The following GRM4 variants were observed in gnomAD, a reference collection of about 807,000 sequenced individuals.
The protein encoded by GRM4 is metabotropic glutamate receptor 4.
A neutral mutation model predicts 81.7 loss-of-function variants in GRM4; 28 were observed. The observed-to-expected ratio is 0.34, with a 90% CI of 0.25 to 0.47. The LOEUF (loss-of-function observed/expected upper bound fraction) is 0.47. Among genes scored for constraint, GRM4 ranks in the 20% least tolerant of loss-of-function variants. GRM4 has a pLI of 1.00. For synonymous variants in GRM4, 488 were observed against 528.8 expected (o/e 0.92, Z 1.06); for missense variants, 948 against 1,290.0 (o/e 0.73, Z 4.06).
chr6:34,075,264 C>T (rs1262665610), intron 3 of GRM4, among the ~76,000 whole-genome samples: 1 of 152,188 alleles, frequency 6.6e-6, no homozygotes, highest in Non-Finnish European at 1.5e-5. Flanking sequence ...TCCCACCTTC[C>T]CCAACTCCAG....
chr6:34,040,096 CA>C, intron 8 of GRM4, 81 bp downstream of exon 8: 1 of 1,386,600 alleles, frequency 7.2e-7, no homozygotes, highest in South Asian at 1.2e-5. Context: ...GGCTAATCAG[CA>C]GCAGCCTCCC....
intron 2 of GRM4, among the ~76,000 whole-genome samples, chr6:34,127,718 G>T (rs1770074647): frequency 6.6e-6 from 1 of 152,150 alleles, no homozygotes; most frequent in Admixed American, 6.5e-5. Flanking sequence ...CCCAGGACAA[G>T]TTCTGAAAGT....
At chr6:34,150,177 A>G (rs1771017606), upstream of GRM4, among the ~76,000 whole-genome samples, 3 of 151,618 alleles carry the variant, frequency 2.0e-5, no homozygotes. Flanking sequence ...CCTGTACCCC[A>G]CCTGCCCTGG....
intron 3 of GRM4, among the ~76,000 whole-genome samples, chr6:34,084,181 C>T (rs1767758661): frequency 6.6e-6 from 1 of 152,198 alleles, no homozygotes. Flanking sequence ...ACCTCAGAGG[C>T]GGGCTGCTGT....
At chr6:34,141,562 G>A (rs1182932868) in intron 1 of GRM4, among the ~76,000 whole-genome samples, 1 of 152,122 alleles carries the variant, frequency 6.6e-6, no homozygotes, top group African/African-American at 2.4e-5. Context: ...AAAACATTTT[G>A]ACAGGAGTCA....
In GRM4 at chr6:34,059,209, C is replaced by T. The variant is rs1369334069; in HGVS notation, c.873-81G>A. ...ACTCCTGGCCACACTTGCTTTGGGC[C>T]CACGTCCCTCACCCCCAGAAGCCCA... On this transcript the variant is annotated intron_variant, in intron 4 of 10. Coordinates refer to ENST00000538487, the MANE Select transcript of GRM4 (RefSeq NM_000841.4). The surrounding 1 kb of genome is among the most constrained non-coding windows in gnomAD (Gnocchi z 5.7). The T allele has an allele frequency of 7.7e-7, 1 of 1,302,086 alleles. No individual in the cohort carries two copies. Among genetic ancestry groups the T allele is most frequent in the African/African-American group, 1.4e-5 (1 of 69,232 alleles). 80.7% of individuals were successfully genotyped at this position (1,302,086 alleles called of 1,614,324 possible). A position where few individuals can be genotyped will look rare whatever the true frequency, so the allele number is the denominator to read the frequency against.
At chr6:34,110,917 G>T (rs1349758831) in intron 2 of GRM4, 2 of 1,146,860 alleles carry the variant, frequency 1.7e-6, no homozygotes, top group Admixed American at 4.1e-5. Flanking sequence ...TGGACAGTAA[G>T]AGCCCACAAG....
In GRM4 at chr6:34,035,138, G is replaced by A. The variant is rs1036333133; in HGVS notation, c.2442+530C>T. ...GAGGAGTGAACCAAAAGGAAGACAG[G>A]GTTGAGTAGGGAGAGAGGTAAGAGA... On this transcript the variant is annotated intron_variant, in intron 9 of 10. Coordinates refer to ENST00000538487, the MANE Select transcript of GRM4 (RefSeq NM_000841.4). This position sits in a 1 kb window ranked among gnomAD's most constrained non-coding sequence, Gnocchi z 6.6. Among the ~76,000 whole-genome samples, 2 of 152,172 alleles carry A rather than the reference G, an allele frequency of 1.3e-5. No individual in the cohort carries two copies. The highest frequency in any genetic ancestry group is 2.9e-5 in the Non-Finnish European group (2 of 68,016).
intron 3 of GRM4, among the ~76,000 whole-genome samples, chr6:34,065,872 C>T (rs529362457): frequency 6.6e-6 from 1 of 152,348 alleles, no homozygotes; most frequent in African/African-American, 2.4e-5. Flanking sequence ...GAGCCACCTT[C>T]AGACGAGGCT....
Position 34,036,425 on chromosome 6 carries a change from T to A in GRM4, c.1685A>T (p.Tyr562Phe). The A allele has an allele frequency of 6.2e-7, 1 of 1,613,294 alleles. No homozygotes were observed. Among genetic ancestry groups the A allele is most frequent in the Non-Finnish European group, 8.5e-7 (1 of 1,179,570 alleles). ...VDRYTCKTCP[Y>F]DMRPTENRTG... Reference sequence around the variant, plus strand: ...GCGGTTCTCTGTGGGCCGCATGTCATAGGGACACGTCTTACAGGTGTAGCG... The same window carrying A: ...GCGGTTCTCTGTGGGCCGCATGTCAAAGGGACACGTCTTACAGGTGTAGCG... Residue 562 changes from tyrosine (Y) to phenylalanine (F), a missense_variant, in exon 9 of 11, where the codon TAT becomes TTT. Transcript: ENST00000538487. This position sits in a 1 kb window ranked among gnomAD's most constrained non-coding sequence, Gnocchi z 9.0.
Position 34,068,833 on chromosome 6 carries a change from G to C in GRM4, c.737-6805C>G, listed in dbSNP as rs2451364. ...CTCCTCCAGACCCCTGAGCCAGCTCGCTCTGGTGGTCTCCAGGCCCGGCCT... is the reference window on the plus strand; with the variant it reads ...CTCCTCCAGACCCCTGAGCCAGCTCCCTCTGGTGGTCTCCAGGCCCGGCCT... On this transcript the variant is annotated intron_variant, in intron 3 of 10. Coordinates refer to ENST00000538487, the MANE Select transcript of GRM4 (RefSeq NM_000841.4). This position sits in a 1 kb window ranked among gnomAD's most constrained non-coding sequence, Gnocchi z 4.2. 0.96 allele frequency among the ~76,000 whole-genome samples: 146,496 copies of C among 152,240 alleles called. 70,535 individuals carry two copies. The highest frequency in any genetic ancestry group is 1 in the East Asian group (5,159 of 5,170).
chr6:34,044,901 CACAG>C (rs1765286139), intron 6 of GRM4, among the ~76,000 whole-genome samples: 2 of 148,096 alleles, frequency 1.4e-5, no homozygotes, highest in African/African-American at 2.6e-5. Context: ...CACATACACA[CACAG>C]ACATACATAC....
chr6:34,026,516 G>T (rs1025840863), intron 10 of GRM4, among the ~76,000 whole-genome samples: 1 of 152,152 alleles, frequency 6.6e-6, no homozygotes, highest in South Asian at 2.1e-4. Flanking sequence ...GCAGCTGGAA[G>T]TGAGGCCCAT....
Position 34,059,553 on chromosome 6 carries a change from TCCA to T in GRM4, c.873-428_873-426del, listed in dbSNP as rs1174111340. 4.7e-6 allele frequency: 1 copy of T among 213,388 alleles called. No individual in the cohort carries two copies. The highest frequency in any genetic ancestry group is 9.5e-6 in the Non-Finnish European group (1 of 105,498). The allele number at this position is 213,388 out of a possible 1,614,324, so 13.2% of individuals were successfully genotyped here. A position where few individuals can be genotyped will look rare whatever the true frequency, so the allele number is the denominator to read the frequency against. On this transcript the variant is annotated intron_variant, in intron 4 of 10. Coordinates refer to ENST00000538487, the MANE Select transcript of GRM4 (RefSeq NM_000841.4). The surrounding 1 kb of genome is among the most constrained non-coding windows in gnomAD (Gnocchi z 5.7). ...CATTCCTTGCCCATTCTCACACGCA[TCCA>T]CCATCACACAACCGCCGCCCTCACC...
At chr6:34,079,581 G>T (rs949192576) in intron 3 of GRM4, among the ~76,000 whole-genome samples, 2 of 152,108 alleles carry the variant, frequency 1.3e-5, no homozygotes, top group African/African-American at 4.8e-5. Flanking sequence ...CTTCACAGAT[G>T]AGGCCCCACT....
intron 2 of GRM4, among the ~76,000 whole-genome samples, chr6:34,116,764 T>A (rs1453548916): frequency 1.3e-5 from 2 of 152,144 alleles, no homozygotes; most frequent in African/African-American, 4.8e-5. Context: ...TCAGCCCAAA[T>A]GTCCAGTGGC....
At chr6:34,143,769 A>C (rs1178019033) in intron 1 of GRM4, among the ~76,000 whole-genome samples, 1 of 152,096 alleles carries the variant, frequency 6.6e-6, no homozygotes, top group Non-Finnish European at 1.5e-5. Flanking sequence ...CGGGAGGCTG[A>C]GCGCTGCAGA....
chr6:34,051,729 G>A (rs1765621475), intron 6 of GRM4, among the ~76,000 whole-genome samples: 1 of 152,150 alleles, frequency 6.6e-6, no homozygotes, highest in African/African-American at 2.4e-5. Flanking sequence ...CACTGAGGTT[G>A]GGGGGATCCA....
chr6:34,132,946 G>A (rs769948207), intron 2 of GRM4, 32 bp downstream of exon 2: 1 of 1,542,128 alleles, frequency 6.5e-7, no homozygotes, highest in Non-Finnish European at 8.8e-7. Context: ...GTTGGGGGAA[G>A]AGCACCTCAG....
Sources: gnomAD v4.1 joint callset for allele counts (sites outside exome capture counted in the v4.1 genomes callset) on GRCh38, gnomAD v4.1.1 for gene constraint, Gnocchi (gnomAD v3.1) non-coding constraint, MANE v1.5 for transcripts, NCBI Gene and HGNC (gene_info 2026-07-23, HGNC 2026-07-21) for gene names.